The following RASEF variants were observed in gnomAD, a reference collection of about 807,000 sequenced individuals.
RASEF encodes RAS and EF-hand domain containing.
Under a neutral mutation model 90.1 loss-of-function variants are expected in RASEF, and 68 were observed. The observed-to-expected ratio is 0.75, with a 90% CI of 0.62 to 0.92. The LOEUF (loss-of-function observed/expected upper bound fraction) is 0.92. Ranked by LOEUF, RASEF falls within the 40% of genes least tolerant of loss-of-function variation. RASEF has a pLI of 0.00. For missense variants in RASEF, 949 were observed against 937.2 expected (o/e 1.01, Z -0.16); for synonymous variants, 331 against 345.2 (o/e 0.96, Z 0.46).
In RASEF at chr9:83,000,152, C is replaced by T. The variant is rs745929363; in HGVS notation, c.1723+17G>A. On this transcript the variant is annotated intron_variant, in intron 12 of 16. Transcript: ENST00000376447. ...GGAAGGTCATTTTCCCATTATCAAC[C>T]GAAATACGAGCCATACCCAGGGTGG... 3.0e-5 allele frequency: 48 copies of T among 1,607,568 alleles called. No homozygotes were observed. Among genetic ancestry groups the T allele is most frequent in the Non-Finnish European group, 3.7e-5 (43 of 1,177,740 alleles).
the RASEF span, among the ~76,000 whole-genome samples, chr9:83,189,861 C>T: frequency 6.6e-6 from 1 of 152,258 alleles, no homozygotes; most frequent in East Asian, 1.9e-4. Context: ...AAATAAGAGG[C>T]AATTCAAATA....
the RASEF span, among the ~76,000 whole-genome samples, chr9:83,074,627 A>G: frequency 6.6e-6 from 1 of 152,204 alleles, no homozygotes; most frequent in Non-Finnish European, 1.5e-5. Context: ...AGTGTCCATA[A>G]AGCTTTACTG....
At chr9:83,032,899 T>A (rs2118605058) in intron 1 of RASEF, among the ~76,000 whole-genome samples, 1 of 152,270 alleles carries the variant, frequency 6.6e-6, no homozygotes, top group African/African-American at 2.4e-5. Flanking sequence ...TGGAATGCAG[T>A]AGGGCTGGTA....
chr9:82,986,736 C>T (rs1350228297), intron 16 of RASEF, among the ~76,000 whole-genome samples: 1 of 152,214 alleles, frequency 6.6e-6, no homozygotes, highest in Admixed American at 6.5e-5. Flanking sequence ...TGAACTGATA[C>T]ATCAGCCTAA....
At chr9:83,034,402 C>T (rs1829702813) in intron 1 of RASEF, among the ~76,000 whole-genome samples, 1 of 152,210 alleles carries the variant, frequency 6.6e-6, no homozygotes, top group Admixed American at 6.5e-5. Context: ...CCCTTAACCA[C>T]ACACATCTCC....
the RASEF span, among the ~76,000 whole-genome samples, chr9:83,152,717 T>C: frequency 7.4e-6 from 1 of 135,526 alleles, no homozygotes; most frequent in African/African-American, 2.8e-5. Context: ...TATATGCGCA[T>C]GTGCGCACAG....
In RASEF at chr9:82,992,903, T is replaced by TA. The variant is rs1828839629; in HGVS notation, c.2040+2dup. 1.2e-6 allele frequency: 2 copies of TA among 1,613,638 alleles called. No homozygotes were observed. The highest frequency in any genetic ancestry group is 1.7e-6 in the Non-Finnish European group (2 of 1,179,752). ...TCTAATTCTGAGGCATCCTCACTCT[T>TA]ACCATGGCCAGTTTCTCTCCAAAGT... On this transcript the variant is annotated splice_region_variant and intron_variant, in intron 15 of 16. Coordinates refer to ENST00000376447, the MANE Select transcript of RASEF (RefSeq NM_152573.4).
At chr9:83,068,019 G>A (rs1039946934), upstream of RASEF, among the ~76,000 whole-genome samples, 3 of 152,132 alleles carry the variant, frequency 2.0e-5, no homozygotes, top group Admixed American at 6.5e-5. Context: ...TGGGACTACA[G>A]GCACGCACCA....
intron 1 of RASEF, chr9:83,054,602 T>G (rs890253974): frequency 2.0e-5 from 3 of 150,224 alleles, no homozygotes; most frequent in Non-Finnish European, 4.4e-5. Flanking sequence ...CTGCGTTCCT[T>G]TGGAGGAGGA....
chr9:83,121,625 A>T, the RASEF span, among the ~76,000 whole-genome samples: 11 of 152,140 alleles, frequency 7.2e-5, no homozygotes, highest in Non-Finnish European at 1.6e-4. Flanking sequence ...TGCAGCCTGA[A>T]TTATTCCCCT....
chr9:83,055,582 CAA>C (rs1488338740), intron 1 of RASEF: 3 of 717,670 alleles, frequency 4.2e-6, no homozygotes. Context: ...CTCGATTGTC[CAA>C]AGTGTTTCTC....
At chr9:83,165,408 T>C in the RASEF span, among the ~76,000 whole-genome samples, 3 of 152,150 alleles carry the variant, frequency 2.0e-5, no homozygotes, top group Non-Finnish European at 4.4e-5. Flanking sequence ...AAATATCCAC[T>C]GGTCTAAGAA....
chr9:83,147,026 G>GTATATA, the RASEF span, among the ~76,000 whole-genome samples: 2 of 118,114 alleles, frequency 1.7e-5, no homozygotes, highest in Non-Finnish European at 3.5e-5. Flanking sequence ...GTGTGTGTGT[G>GTATATA]TGTATATATA....
At chr9:83,137,205 A>T in the RASEF span, among the ~76,000 whole-genome samples, 2 of 152,064 alleles carry the variant, frequency 1.3e-5, no homozygotes, top group Admixed American at 6.6e-5. Flanking sequence ...CCTACATATA[A>T]TTGCCTTATA....
At chr9:83,060,414 G>A (rs754466009) in intron 1 of RASEF, among the ~76,000 whole-genome samples, 1 of 152,100 alleles carries the variant, frequency 6.6e-6, no homozygotes, top group Non-Finnish European at 1.5e-5. Context: ...AATGTTCTTC[G>A]ATGAAGTTGC....
At chr9:83,065,183 T>C (rs1255504136), upstream of RASEF, among the ~76,000 whole-genome samples, 3 of 152,228 alleles carry the variant, frequency 2.0e-5, no homozygotes, top group Non-Finnish European at 2.9e-5. Flanking sequence ...ACCTCCGATA[T>C]CAGTTATTTA....
At chr9:82,992,545 A>G (rs1828834425) in intron 15 of RASEF, among the ~76,000 whole-genome samples, 1 of 152,184 alleles carries the variant, frequency 6.6e-6, no homozygotes, top group African/African-American at 2.4e-5. Context: ...AACCAAAGCC[A>G]TCTTTTCAAA....
At chr9:83,047,931 A>C (rs1279713523) in intron 1 of RASEF, among the ~76,000 whole-genome samples, 1 of 152,216 alleles carries the variant, frequency 6.6e-6, no homozygotes, top group Non-Finnish European at 1.5e-5. Flanking sequence ...CTGTCTCTTT[A>C]GCTATGCAAA....
chr9:83,148,024 G>A, the RASEF span, among the ~76,000 whole-genome samples: 4 of 151,892 alleles, frequency 2.6e-5, no homozygotes, highest in Admixed American at 2.0e-4. Flanking sequence ...TAGAGGATAG[G>A]AGGCTATGGC....
Sources: allele counts gnomAD v4.1 joint callset (sites outside exome capture counted in the v4.1 genomes callset), GRCh38; gene constraint gnomAD v4.1.1; transcripts MANE v1.5; gene names NCBI Gene and HGNC (gene_info 2026-07-23, HGNC 2026-07-21).